Variants in C3orf20 observed in about 807,000 individuals in gnomAD.
C3orf20 encodes uncharacterized protein C3orf20.
A neutral mutation model predicts 88.3 loss-of-function variants in C3orf20; 76 were observed. The ratio of observed to expected loss-of-function variants is 0.86; its 90% confidence interval spans 0.72 to 1.04. The LOEUF (loss-of-function observed/expected upper bound fraction) is 1.04. C3orf20 is among the 50% of genes least tolerant of loss of function. The pLI is 0.00. For missense variants in C3orf20, 1,056 were observed against 1,123.3 expected (o/e 0.94, Z 0.86); for synonymous variants, 436 against 437.4 (o/e 1.00, Z 0.04).
chr3:14,675,958 CTGGGATGACGGG>C (rs2031744032), intron 1 of C3orf20, among the ~76,000 whole-genome samples: 1 of 152,152 alleles, frequency 6.6e-6, no homozygotes, highest in Non-Finnish European at 1.5e-5. Context: ...TCCCAAAGTG[CTGGGATGACGGG>C]TGTGAGCCAC....
intron 7 of C3orf20, among the ~76,000 whole-genome samples, chr3:14,710,891 CT>C (rs2033708487): frequency 1.1e-5 from 1 of 94,204 alleles, no homozygotes. Context: ...TTCTTTCTTT[CT>C]TTTTCTTTTT....
rs1449809772 is a variant in C3orf20, at chr3:14,726,918, C to A, written c.1584C>A (p.Ser528Arg). 6.2e-7 allele frequency: 1 copy of A among 1,614,060 alleles called. No homozygotes were observed. The highest frequency in any genetic ancestry group is 8.5e-7 in the Non-Finnish European group (1 of 1,180,006). The change falls in exon 11 of 17, where the codon AGC becomes AGA. Residue 528 changes from serine to arginine, a missense_variant. Physicochemically the swap from Ser to Arg is moderately radical, Grantham distance 110 (BLOSUM62 -1). Coordinates refer to ENST00000253697, the MANE Select transcript of C3orf20 (RefSeq NM_032137.5). Reference sequence around the variant, plus strand: ...CTCTCCAGCTGAACCGCAGAATCAGCAACATGGACGACAAGGTGTATAAGA... The same window carrying A: ...CTCTCCAGCTGAACCGCAGAATCAGAAACATGGACGACAAGGTGTATAAGA... ...AYDKRLNRRI[S>R]NMDDKVYKMS...
At chr3:14,736,782 A>G (rs1402768780) in intron 12 of C3orf20, among the ~76,000 whole-genome samples, 3 of 145,020 alleles carry the variant, frequency 2.1e-5, no homozygotes, top group African/African-American at 7.8e-5. Flanking sequence ...GCTCAGGCTG[A>G]TCTCAAACTC....
At chr3:14,685,035 GAA>G in intron 4 of C3orf20, among the ~76,000 whole-genome samples, 1 of 152,248 alleles carries the variant, frequency 6.6e-6, no homozygotes, top group East Asian at 1.9e-4. Flanking sequence ...AATAAAAAAA[GAA>G]ATGTTTATTG....
At chr3:14,702,750 C>A (rs937553140) in intron 5 of C3orf20, among the ~76,000 whole-genome samples, 1 of 152,104 alleles carries the variant, frequency 6.6e-6, no homozygotes, top group South Asian at 2.1e-4. Flanking sequence ...CATGTCCTCA[C>A]ATTTCAAAAG....
intron 11 of C3orf20, 125 bp downstream of exon 11, chr3:14,727,149 A>G: frequency 8.9e-7 from 1 of 1,127,356 alleles, no homozygotes; most frequent in Non-Finnish European, 1.3e-6. Context: ...CTGAATGTCC[A>G]GGGAAGTAGG....
At chr3:14,683,546 A>G (rs1201916521) in intron 3 of C3orf20, among the ~76,000 whole-genome samples, 1 of 152,142 alleles carries the variant, frequency 6.6e-6, no homozygotes, top group East Asian at 1.9e-4. Flanking sequence ...GTAGCCAGAC[A>G]GAGCCCAGTA....
intron 7 of C3orf20, among the ~76,000 whole-genome samples, chr3:14,705,818 G>A (rs1342518202): frequency 6.6e-5 from 10 of 152,094 alleles, no homozygotes; most frequent in Admixed American, 5.2e-4. Context: ...TGTAGAAATC[G>A]GAAAACTGAG....
intron 7 of C3orf20, among the ~76,000 whole-genome samples, chr3:14,707,961 A>C (rs1194972313): frequency 6.6e-6 from 1 of 151,848 alleles, no homozygotes; most frequent in Admixed American, 6.6e-5. Context: ...CTGGGATTAC[A>C]GGTATGCACC....
chr3:14,731,600 A>G (rs753071743), intron 12 of C3orf20, among the ~76,000 whole-genome samples: 4 of 152,192 alleles, frequency 2.6e-5, no homozygotes, highest in Non-Finnish European at 5.9e-5. Context: ...TGTTTCTGCT[A>G]AGGAAGCCCA....
chr3:14,748,001 T>A lies in C3orf20; in HGVS notation c.1941-9370T>A, dbSNP rs949342788. Among the ~76,000 whole-genome samples the A allele has an allele frequency of 1.3e-5, 2 of 152,120 alleles. 1 individual carries two copies. Among genetic ancestry groups the A allele is most frequent in the Admixed American group, 1.3e-4 (2 of 15,274 alleles). ...TCTGGCTTTGGTATCAGGGTAATGC[T>A]GAGGTTTCCATTTCTTCTGTTTTTA... On this transcript the variant is annotated intron_variant, in intron 12 of 16. Transcript: ENST00000253697.
chr3:14,769,072 G>A lies in C3orf20; in HGVS notation c.2496-2995G>A, dbSNP rs184980697. On this transcript the variant is annotated intron_variant, in intron 15 of 16. Transcript: ENST00000253697. ...TTCGTTCATTCACTCACTCATGCCT[G>A]GCTAAGAGCCAGACACAGGAGGTGC... 2.6e-5 allele frequency among the ~76,000 whole-genome samples: 4 copies of A among 152,176 alleles called. No homozygotes were observed. The East Asian group carries it at 7.7e-4, about 29-fold the overall frequency.
At chr3:14,747,121 C>T (rs1222097479) in intron 12 of C3orf20, among the ~76,000 whole-genome samples, 1 of 152,162 alleles carries the variant, frequency 6.6e-6, no homozygotes, top group Non-Finnish European at 1.5e-5. Flanking sequence ...GTCAAAGTTA[C>T]CAACTAGGTG....
At chr3:14,757,018 G>A (rs2035394043) in intron 12 of C3orf20, among the ~76,000 whole-genome samples, 1 of 152,176 alleles carries the variant, frequency 6.6e-6, no homozygotes, top group South Asian at 2.1e-4. Context: ...GGGGTGGAGG[G>A]GAGGAAAAGT....
chr3:14,758,596 T>G (rs1403713548), intron 13 of C3orf20, among the ~76,000 whole-genome samples: 4 of 152,204 alleles, frequency 2.6e-5, no homozygotes, highest in Non-Finnish European at 5.9e-5. Context: ...CTGTTTGCCC[T>G]CCTGTCTCCT....
rs1248912225 is a variant in C3orf20, at chr3:14,732,257, C to G, written c.1940+3569C>G. 2.6e-5 allele frequency among the ~76,000 whole-genome samples: 4 copies of G among 152,210 alleles called. No homozygotes were observed. In the East Asian group the frequency reaches 7.7e-4, roughly 29 times the overall value. On this transcript the variant is annotated intron_variant, in intron 12 of 16. Transcript: ENST00000253697. Reference sequence around the variant, plus strand: ...CCTAATAACTAAAGTTGTTGAGCATCTTTTCATGGCTTATTTACCATTCAT... The same window carrying G: ...CCTAATAACTAAAGTTGTTGAGCATGTTTTCATGGCTTATTTACCATTCAT...
At chr3:14,694,495 C>A (rs984565050) in intron 5 of C3orf20, among the ~76,000 whole-genome samples, 3 of 152,124 alleles carry the variant, frequency 2.0e-5, no homozygotes, top group Non-Finnish European at 4.4e-5. Context: ...ATAATAGGGA[C>A]TAATGATCCT....
Position 14,682,617 on chromosome 3 carries a change from C to T in C3orf20, c.-97C>T, listed in dbSNP as rs992022750. On this transcript the variant is annotated 5_prime_UTR_variant, in exon 3 of 17. Transcript: ENST00000253697. ...ATGACCTGTAAGGGCCGTTTCAGCA[C>T]ATCCATTCTGTCCATCTCCAAGCCT... 7.5e-6 allele frequency: 11 copies of T among 1,471,276 alleles called. No homozygotes were observed. The highest frequency in any genetic ancestry group is 1.0e-5 in the Non-Finnish European group (11 of 1,099,916). 91.1% of individuals were successfully genotyped at this position (1,471,276 alleles called of 1,614,324 possible).
At chr3:14,689,944 ATAAAAT>A (rs1361996933) in intron 4 of C3orf20, 47 bp from the exon 5 acceptor site, 16 of 1,612,144 alleles carry the variant, frequency 9.9e-6, no homozygotes, top group Admixed American at 3.3e-5. Context: ...TTTTTGGCTA[ATAAAAT>A]TAAAAGTAAA....
Sources: allele counts gnomAD v4.1 joint callset (sites outside exome capture counted in the v4.1 genomes callset), GRCh38; gene constraint gnomAD v4.1.1; transcripts MANE v1.5; gene names NCBI Gene and HGNC (gene_info 2026-07-23, HGNC 2026-07-21).